CBLB: variants seen among roughly 807,000 people sequenced by gnomAD.
The protein encoded by CBLB is Cbl proto-oncogene B.
Under a neutral mutation model 104.9 loss-of-function variants are expected in CBLB, and 31 were observed. The ratio of observed to expected loss-of-function variants is 0.30; its 90% confidence interval spans 0.22 to 0.40. The LOEUF is 0.40. Among genes scored for constraint, CBLB ranks in the 10% least tolerant of loss-of-function variants. The pLI is 1.00. For missense variants in CBLB, 1,062 were observed against 1,214.6 expected, an observed-to-expected ratio of 0.87 and a Z score of 1.87; for synonymous variants, 440 against 422.6, an observed-to-expected ratio of 1.04 and a Z score of -0.51.
At chr3:105,836,034 G>C (rs1006481196) in intron 3 of CBLB, among the ~76,000 whole-genome samples, 3 of 152,142 alleles carry the variant, frequency 2.0e-5, no homozygotes, top group Non-Finnish European at 4.4e-5. Context: ...AGGTTACCTC[G>C]AGTGATTAGA....
chr3:105,858,279 C>T (rs1191197681), intron 2 of CBLB, among the ~76,000 whole-genome samples: 4 of 152,148 alleles, frequency 2.6e-5, no homozygotes, highest in Non-Finnish European at 5.9e-5. Flanking sequence ...AAATGAATAA[C>T]CCTACATCAG....
At chr3:105,668,234 C>T (rs1377983077) in intron 18 of CBLB, among the ~76,000 whole-genome samples, 1 of 152,102 alleles carries the variant, frequency 6.6e-6, no homozygotes, top group East Asian at 1.9e-4. Context: ...GGGGATATTT[C>T]AACAAGGTTT....
At chr3:105,779,961 C>G (rs2079977042) in intron 3 of CBLB, among the ~76,000 whole-genome samples, 2 of 151,618 alleles carry the variant, frequency 1.3e-5, no homozygotes, top group Admixed American at 1.3e-4. Flanking sequence ...TCAAGCAATC[C>G]TCCTGTCTCA....
intron 2 of CBLB, among the ~76,000 whole-genome samples, chr3:105,867,101 C>G (rs1256484012): frequency 1.3e-5 from 2 of 152,124 alleles, no homozygotes; most frequent in African/African-American, 4.8e-5. Context: ...TCACAGAAGA[C>G]AGAACAAACA....
intron 18 of CBLB, among the ~76,000 whole-genome samples, chr3:105,662,110 G>C (rs189730144): frequency 6.6e-6 from 1 of 152,252 alleles, no homozygotes; most frequent in Admixed American, 6.5e-5. Flanking sequence ...AAGTGGGGAG[G>C]AGGAGATCAT....
At chr3:105,805,660 TA>T (rs2083407181) in intron 3 of CBLB, among the ~76,000 whole-genome samples, 1 of 152,124 alleles carries the variant, frequency 6.6e-6, no homozygotes, top group African/African-American at 2.4e-5. Flanking sequence ...CCAGGTTCAT[TA>T]AAAACCCTTT....
At chr3:105,802,838 T>C (rs2083052507) in intron 3 of CBLB, among the ~76,000 whole-genome samples, 1 of 152,218 alleles carries the variant, frequency 6.6e-6, no homozygotes, top group South Asian at 2.1e-4. Context: ...GTAATGAAGT[T>C]AGCAAAGGGA....
intron 18 of CBLB, among the ~76,000 whole-genome samples, chr3:105,662,959 C>G (rs1211226827): frequency 6.6e-6 from 1 of 152,204 alleles, no homozygotes; most frequent in Non-Finnish European, 1.5e-5. Context: ...ACTACTGTTA[C>G]TACTTGAGAC....
At chr3:105,840,340 G>C (rs900466237) in intron 3 of CBLB, among the ~76,000 whole-genome samples, 3 of 151,604 alleles carry the variant, frequency 2.0e-5, no homozygotes, top group Admixed American at 6.6e-5. Flanking sequence ...GAAAAATAAA[G>C]CTTTAAATAG....
chr3:105,819,835 TCCCACTTAC>T (rs1310743252), intron 3 of CBLB, among the ~76,000 whole-genome samples: 4 of 152,084 alleles, frequency 2.6e-5, no homozygotes, highest in Non-Finnish European at 5.9e-5. Context: ...GTATGTGAAA[TCCCACTTAC>T]CCTACATGTG....
In CBLB at chr3:105,681,599, C is replaced by CA; in HGVS notation, c.2307dup (p.Asp770Ter). Reference sequence around the variant, plus strand: ...AATGGCACGGGATCAGAGGCTGAATCAAAAACATCTCCTAGAGGATAACAC... The same window carrying CA: ...AATGGCACGGGATCAGAGGCTGAATCAAAAAACATCTCCTAGAGGATAACAC... On this transcript the variant is annotated frameshift_variant, in exon 16 of 19. Transcript: ENST00000394030. LOFTEE classifies it high-confidence loss of function. 1.2e-6 allele frequency: 2 copies of CA among 1,614,104 alleles called. No individual in the cohort carries two copies. The highest frequency in any genetic ancestry group is 1.7e-6 in the Non-Finnish European group (2 of 1,179,996).
intron 3 of CBLB, among the ~76,000 whole-genome samples, chr3:105,830,876 C>G (rs1451396718): frequency 6.6e-6 from 1 of 152,148 alleles, no homozygotes; most frequent in African/African-American, 2.4e-5. Flanking sequence ...TGCACATTGT[C>G]CATATAGCAT....
chr3:105,734,576 A>G (rs2074694558), intron 8 of CBLB, among the ~76,000 whole-genome samples: 1 of 152,218 alleles, frequency 6.6e-6, no homozygotes, highest in Non-Finnish European at 1.5e-5. Flanking sequence ...TTACTGTTTC[A>G]ATATCTTTAG....
chr3:105,713,713 T>C (rs972164465), intron 10 of CBLB, among the ~76,000 whole-genome samples: 1 of 152,172 alleles, frequency 6.6e-6, no homozygotes, highest in Non-Finnish European at 1.5e-5. Flanking sequence ...TTTTAGAAGA[T>C]CAGTAAACAG....
chr3:105,702,110 G>C lies in CBLB; in HGVS notation c.1943C>G (p.Pro648Arg), dbSNP rs993429762. Residue 648 changes from proline (P) to arginine (R), a missense_variant, in exon 12 of 19, where the codon CCT (proline) becomes CGT (arginine). Around this residue, in one of 2 missense-constraint regions of CBLB, gnomAD observed 605 missense variants for 582.6 expected, o/e 1.04. Coordinates refer to ENST00000394030, the MANE Select transcript of CBLB (RefSeq NM_170662.5). ...LMRKHRRHDLPLEGAKVFSNG... is the reference protein window; with the variant it reads ...LMRKHRRHDLRLEGAKVFSNG... ...ATTTCTTACCTTAGCTCCTTCTAAA[G>C]GCAAATCATGGCGTCTGTGTTTCCG... 3.7e-6 allele frequency: 6 copies of C among 1,613,970 alleles called. No homozygotes were observed. The African/African-American group carries it at 6.7e-5, about 18-fold the overall frequency.
intron 3 of CBLB, among the ~76,000 whole-genome samples, chr3:105,809,618 CT>C (rs1441499405): frequency 6.6e-6 from 1 of 152,134 alleles, no homozygotes; most frequent in East Asian, 1.9e-4. Context: ...TATGCTTACT[CT>C]TTTTTATGAT....
chr3:105,803,758 T>C (rs1230280553), intron 3 of CBLB, among the ~76,000 whole-genome samples: 3 of 152,208 alleles, frequency 2.0e-5, no homozygotes, highest in Non-Finnish European at 4.4e-5. Flanking sequence ...TTCTTAAAGA[T>C]AATAGAATGA....
intron 3 of CBLB, among the ~76,000 whole-genome samples, chr3:105,781,908 AAAAG>A (rs2080306927): frequency 1.3e-5 from 2 of 152,298 alleles, no homozygotes; most frequent in Non-Finnish European, 2.9e-5. Context: ...ACTCAATATA[AAAAG>A]AAAGGCAAGA....
At chr3:105,673,867 C>T (rs954071540) in intron 17 of CBLB, 1 of 152,200 alleles carries the variant, frequency 6.6e-6, no homozygotes, top group Admixed American at 6.5e-5. Flanking sequence ...AGACAACTCT[C>T]GTCTACATCC....
Sources: gnomAD v4.1 joint callset for allele counts (sites outside exome capture counted in the v4.1 genomes callset) on GRCh38, gnomAD v4.1.1 for gene constraint, gnomAD v4.1.1 regional missense constraint, MANE v1.5 for transcripts, NCBI Gene and HGNC (gene_info 2026-07-23, HGNC 2026-07-21) for gene names.